PTPRD: variants seen among roughly 807,000 people sequenced by gnomAD.
PTPRD encodes the protein protein tyrosine phosphatase receptor type D.
PTPRD carries 34 observed loss-of-function variants against 214.5 expected under a neutral mutation model. The observed-to-expected ratio is 0.16, with a 90% CI of 0.12 to 0.21. The LOEUF (loss-of-function observed/expected upper bound fraction) is 0.21, where lower values mean the gene tolerates loss of function less well. PTPRD is among the 10% of genes least tolerant of loss of function. The pLI is 1.00. For missense variants in PTPRD, 2,545 were observed against 2,398.7 expected (o/e 1.06, Z -1.27); for synonymous variants, 1,128 against 845.7 (o/e 1.33, Z -5.79).
chr9:8,697,482 G>A (rs962070733), intron 12 of PTPRD, among the ~76,000 whole-genome samples: 1 of 141,754 alleles, frequency 7.1e-6, no homozygotes, highest in Non-Finnish European at 1.5e-5. Context: ...GAGTGCAGTG[G>A]TGTGATCTTG....
chr9:8,654,069 C>CT (rs2096864039), intron 12 of PTPRD, among the ~76,000 whole-genome samples: 1 of 152,148 alleles, frequency 6.6e-6, no homozygotes, highest in South Asian at 2.1e-4. Context: ...TGAGCAACAT[C>CT]CCTGGCTTCT....
chr9:10,391,743 T>A (rs1256121143), intron 2 of PTPRD, among the ~76,000 whole-genome samples: 1 of 151,812 alleles, frequency 6.6e-6, no homozygotes, highest in African/African-American at 2.4e-5. Flanking sequence ...CCAATATAAA[T>A]TAGAATATTT....
chr9:8,538,173 A>T (rs2077414596), intron 14 of PTPRD, among the ~76,000 whole-genome samples: 1 of 151,998 alleles, frequency 6.6e-6, no homozygotes, highest in Non-Finnish European at 1.5e-5. Flanking sequence ...ATTTATCAAC[A>T]AGCAGGTGTC....
intron 2 of PTPRD, among the ~76,000 whole-genome samples, chr9:10,404,324 C>T (rs2098325409): frequency 6.6e-6 from 1 of 151,754 alleles, no homozygotes; most frequent in African/African-American, 2.4e-5. Context: ...TTAATATACA[C>T]ATAGGTGATT....
intron 7 of PTPRD, among the ~76,000 whole-genome samples, chr9:9,638,418 T>G (rs1409367095): frequency 6.6e-6 from 1 of 152,218 alleles, no homozygotes; most frequent in African/African-American, 2.4e-5. Flanking sequence ...ACTTTATAAC[T>G]AGAATGACCA....
chr9:8,617,007 C>T (rs1165281805), intron 14 of PTPRD, among the ~76,000 whole-genome samples: 1 of 151,994 alleles, frequency 6.6e-6, no homozygotes, highest in African/African-American at 2.4e-5. Flanking sequence ...ATTCGAACAC[C>T]CCTGTGAGTA....
At chr9:8,408,579 T>A (rs2130853944) in intron 35 of PTPRD, among the ~76,000 whole-genome samples, 1 of 152,282 alleles carries the variant, frequency 6.6e-6, no homozygotes, top group East Asian at 1.9e-4. Context: ...TTATACATGA[T>A]ACGAAATACA....
intron 2 of PTPRD, among the ~76,000 whole-genome samples, chr9:10,394,563 T>C (rs1242364465): frequency 1.3e-5 from 2 of 151,842 alleles, no homozygotes; most frequent in African/African-American, 4.8e-5. Flanking sequence ...CATGAAACCT[T>C]AGGATGCAAA....
At chr9:9,403,233 G>C (rs1441904360) in intron 8 of PTPRD, among the ~76,000 whole-genome samples, 1 of 124,140 alleles carries the variant, frequency 8.1e-6, no homozygotes, top group Non-Finnish European at 1.6e-5. Flanking sequence ...AGAGGTCTCA[G>C]TAAGCTGACA....
chr9:10,499,871 G>C (rs1198317258), intron 2 of PTPRD, among the ~76,000 whole-genome samples: 1 of 151,704 alleles, frequency 6.6e-6, no homozygotes, highest in Non-Finnish European at 1.5e-5. Flanking sequence ...CCAGGTTATA[G>C]ATATATCTTT....
intron 11 of PTPRD, among the ~76,000 whole-genome samples, chr9:8,739,970 A>G (rs1565699794): frequency 6.6e-6 from 1 of 152,180 alleles, no homozygotes; most frequent in Non-Finnish European, 1.5e-5. Flanking sequence ...GCCATGTGGA[A>G]CTGTAAGTCC....
At chr9:9,800,523 G>T (rs1287081951) in intron 5 of PTPRD, 2 of 152,140 alleles carry the variant, frequency 1.3e-5, no homozygotes, top group African/African-American at 2.4e-5. Flanking sequence ...ATCCTTTAAT[G>T]ATTTATAACT....
chr9:9,387,802 G>A (rs2064381244), intron 9 of PTPRD, among the ~76,000 whole-genome samples: 5 of 152,154 alleles, frequency 3.3e-5, no homozygotes, highest in Admixed American at 3.3e-4. Flanking sequence ...TGGGCAGGCT[G>A]TGGGGCTCCG....
intron 2 of PTPRD, among the ~76,000 whole-genome samples, chr9:10,487,597 CA>C (rs919236910): frequency 3.6e-4 from 54 of 151,820 alleles, no homozygotes; most frequent in African/African-American, 1.2e-3. Flanking sequence ...AATATAGACA[CA>C]GGAAGAGAAG....
intron 4 of PTPRD, among the ~76,000 whole-genome samples, chr9:9,989,915 G>A (rs1289356237): frequency 6.6e-6 from 1 of 152,150 alleles, no homozygotes; most frequent in Non-Finnish European, 1.5e-5. Flanking sequence ...CCACGCAAAG[G>A]GTTTGAGCAC....
At chr9:9,853,867 AAATG>A (rs2061027926) in intron 5 of PTPRD, among the ~76,000 whole-genome samples, 1 of 152,164 alleles carries the variant, frequency 6.6e-6, no homozygotes, top group Non-Finnish European at 1.5e-5. Flanking sequence ...GTTATTTTTA[AAATG>A]AATAACACAT....
intron 10 of PTPRD, among the ~76,000 whole-genome samples, chr9:9,178,268 T>C (rs1266691600): frequency 6.6e-6 from 1 of 151,914 alleles, no homozygotes; most frequent in African/African-American, 2.4e-5. Flanking sequence ...ATTGCCTTGG[T>C]TTTCCTGCCT....
chr9:10,012,093 A>T (rs10755990), intron 4 of PTPRD, among the ~76,000 whole-genome samples: 72,919 of 151,772 alleles, frequency 0.48, 20,894 homozygotes, highest in Middle Eastern at 0.67. Flanking sequence ...ATATGTAAGA[A>T]TTCCCTTCAT....
intron 5 of PTPRD, among the ~76,000 whole-genome samples, chr9:9,925,705 T>C (rs529820606): frequency 6.6e-6 from 1 of 152,288 alleles, no homozygotes; most frequent in African/African-American, 2.4e-5. Flanking sequence ...TGCTAACTTC[T>C]AATGTCGTGT....
Sources: gnomAD v4.1 joint callset for allele counts (sites outside exome capture counted in the v4.1 genomes callset) on GRCh38, gnomAD v4.1.1 for gene constraint, MANE v1.5 for transcripts, NCBI Gene and HGNC (gene_info 2026-07-23, HGNC 2026-07-21) for gene names.